Variants in FGF12 observed in about 807,000 individuals in gnomAD.
FGF12 encodes the protein fibroblast growth factor 12B.
In FGF12, 14 loss-of-function variants were observed where a neutral mutation model predicts 23.6. That is an observed-to-expected ratio of 0.59 (90% CI 0.39 to 0.93). The LOEUF (loss-of-function observed/expected upper bound fraction) is 0.93. Among genes scored for constraint, FGF12 ranks in the 40% least tolerant of loss-of-function variants. The probability of loss-of-function intolerance (pLI) is 0.00; values close to 1 mark genes in which losing one functional copy is unlikely to be tolerated. For synonymous variants in FGF12, 62 were observed against 77.3 expected, an observed-to-expected ratio of 0.80 and a Z score of 1.04; for missense variants, 175 against 217.8, an observed-to-expected ratio of 0.80 and a Z score of 1.24.
At chr3:192,269,014 A>T (rs958683835) in intron 4 of FGF12, among the ~76,000 whole-genome samples, 4 of 152,078 alleles carry the variant, frequency 2.6e-5, no homozygotes, top group Non-Finnish European at 5.9e-5. Flanking sequence ...TCCTGGGTTC[A>T]AGTGATTCTC....
chr3:192,202,519 C>T (rs570350850), intron 4 of FGF12, among the ~76,000 whole-genome samples: 7 of 152,290 alleles, frequency 4.6e-5, no homozygotes, highest in East Asian at 3.9e-4. Flanking sequence ...TGTTTTCATA[C>T]AACACTGAAG....
intron 2 of FGF12, among the ~76,000 whole-genome samples, chr3:192,454,966 T>C (rs1451853182): frequency 6.6e-6 from 1 of 152,178 alleles, no homozygotes; most frequent in Non-Finnish European, 1.5e-5. Context: ...CTCTAATAAT[T>C]ATTTTAATTA....
At chr3:192,424,391 T>C (rs1358498203) in intron 2 of FGF12, among the ~76,000 whole-genome samples, 2 of 152,158 alleles carry the variant, frequency 1.3e-5, no homozygotes, top group African/African-American at 2.4e-5. Flanking sequence ...CAAAAATACA[T>C]AGGAGCTGAA....
chr3:192,328,371 G>A (rs1022149410), intron 4 of FGF12, among the ~76,000 whole-genome samples: 5 of 152,312 alleles, frequency 3.3e-5, no homozygotes, highest in Non-Finnish European at 7.4e-5. Flanking sequence ...TCCTGCCTAC[G>A]TAACAGACGC....
At chr3:192,459,249 G>A (rs1182313152) in intron 2 of FGF12, among the ~76,000 whole-genome samples, 1 of 152,108 alleles carries the variant, frequency 6.6e-6, no homozygotes, top group African/African-American at 2.4e-5. Flanking sequence ...GGAGTTGCTC[G>A]ATTTCACCAA....
chr3:192,181,328 A>G (rs894414774), intron 4 of FGF12, among the ~76,000 whole-genome samples: 7 of 151,764 alleles, frequency 4.6e-5, no homozygotes, highest in Non-Finnish European at 1.0e-4. Context: ...AGACAGAACC[A>G]AAACAGTCAA....
chr3:192,596,127 T>TATAATATAATATAAC (rs1463696459), intron 2 of FGF12, among the ~76,000 whole-genome samples: 12 of 147,552 alleles, frequency 8.1e-5, no homozygotes, highest in Non-Finnish European at 1.6e-4. Flanking sequence ...TATAATATAA[T>TATAATATAATATAAC]ATAATATAAT....
At chr3:192,482,859 T>G (rs1206059805) in intron 2 of FGF12, among the ~76,000 whole-genome samples, 1 of 152,190 alleles carries the variant, frequency 6.6e-6, no homozygotes, top group Non-Finnish European at 1.5e-5. Flanking sequence ...TCACATATGA[T>G]TTCCACAAAA....
At chr3:192,510,652 A>G (rs1422608326) in intron 2 of FGF12, among the ~76,000 whole-genome samples, 1 of 152,250 alleles carries the variant, frequency 6.6e-6, no homozygotes, top group Non-Finnish European at 1.5e-5. Flanking sequence ...TTATGTTCAC[A>G]GAAAAACATG....
intron 2 of FGF12, among the ~76,000 whole-genome samples, chr3:192,553,943 C>G (rs930550339): frequency 1.3e-5 from 2 of 152,204 alleles, no homozygotes; most frequent in Non-Finnish European, 2.9e-5. Context: ...ATACCCTTCC[C>G]CTCTGGCTCA....
intron 4 of FGF12, among the ~76,000 whole-genome samples, chr3:192,182,986 T>C (rs143026971): frequency 6.6e-6 from 1 of 152,318 alleles, no homozygotes; most frequent in African/African-American, 2.4e-5. Flanking sequence ...TGGGTTTAAA[T>C]TATACATTCA....
intron 4 of FGF12, among the ~76,000 whole-genome samples, chr3:192,312,574 T>C (rs1716008623): frequency 6.6e-6 from 1 of 152,052 alleles, no homozygotes; most frequent in African/African-American, 2.4e-5. Flanking sequence ...AAATTAAACA[T>C]CTTATTCTTG....
At chr3:192,195,324 C>T (rs544015567) in intron 4 of FGF12, among the ~76,000 whole-genome samples, 5 of 152,196 alleles carry the variant, frequency 3.3e-5, no homozygotes, top group East Asian at 1.9e-4. Context: ...TACAGTTATA[C>T]GTATTTATCG....
At position 192,167,773 on chromosome 3, in the gene FGF12, T is replaced by TATATATATATA. The variant is rs1560175832; in HGVS notation, c.427+2684_427+2685insTATATATATAT. ...TATATATATATATATATATATAAAA[T>TATATATATATA]TTTTTTTTTTTTTTTTTTTTGAGAA... On this transcript the variant is annotated intron_variant, in intron 5 of 5. Coordinates refer to ENST00000445105, the MANE Select transcript of FGF12 (RefSeq NM_004113.6). Among the ~76,000 whole-genome samples the TATATATATATA allele has an allele frequency of 3.2e-4, 4 of 12,566 alleles. 1 individual carries two copies. The highest frequency in any genetic ancestry group is 4.4e-4 in the Non-Finnish European group (2 of 4,584). The allele number at this position is 12,566 out of a possible 152,430, so 8.2% of individuals were successfully genotyped here. A position where few individuals can be genotyped will look rare whatever the true frequency, so the allele number is the denominator to read the frequency against.
chr3:192,450,195 T>C (rs1219175945), intron 2 of FGF12, among the ~76,000 whole-genome samples: 1 of 152,146 alleles, frequency 6.6e-6, no homozygotes, highest in Non-Finnish European at 1.5e-5. Context: ...TAAAAACTAC[T>C]GGAGAAGAAG....
At chr3:192,628,284 C>A (rs1225263937) in intron 2 of FGF12, among the ~76,000 whole-genome samples, 1 of 151,986 alleles carries the variant, frequency 6.6e-6, no homozygotes, top group East Asian at 1.9e-4. Flanking sequence ...TACTTCAGAG[C>A]TATTTTAGAT....
chr3:192,448,947 C>G (rs972817195), intron 2 of FGF12, among the ~76,000 whole-genome samples: 1 of 152,206 alleles, frequency 6.6e-6, no homozygotes, highest in African/African-American at 2.4e-5. Context: ...TGATCCAACT[C>G]TGGCACTGTA....
intron 4 of FGF12, among the ~76,000 whole-genome samples, chr3:192,258,858 C>T (rs1712572564): frequency 6.6e-6 from 1 of 152,112 alleles, no homozygotes; most frequent in African/African-American, 2.4e-5. Context: ...ATGCTGTCAT[C>T]AATGCTTAGC....
intron 2 of FGF12, among the ~76,000 whole-genome samples, chr3:192,454,847 C>A (rs1375665204): frequency 3.3e-5 from 5 of 152,166 alleles, no homozygotes; most frequent in Non-Finnish European, 7.3e-5. Context: ...TGGTACATAA[C>A]CAGACAATCA....
Sources: allele counts gnomAD v4.1 joint callset (sites outside exome capture counted in the v4.1 genomes callset), GRCh38; gene constraint gnomAD v4.1.1; transcripts MANE v1.5; gene names NCBI Gene and HGNC (gene_info 2026-07-23, HGNC 2026-07-21).